HIBCH: variants seen among roughly 807,000 people sequenced by gnomAD.
HIBCH encodes the protein 3-hydroxyisobutyryl-CoA hydrolase.
Under a neutral mutation model 58.2 loss-of-function variants are expected in HIBCH, and 50 were observed. The observed-to-expected ratio is 0.86, with a 90% confidence interval of 0.68 to 1.09. The LOEUF (loss-of-function observed/expected upper bound fraction) is 1.09, where lower values mean the gene tolerates loss of function less well. Ranked by LOEUF, HIBCH falls within the 50% of genes least tolerant of loss-of-function variation. The pLI is 0.00. For synonymous variants in HIBCH, 151 were observed against 146.9 expected (o/e 1.03, Z -0.20); for missense variants, 450 against 449.7 (o/e 1.00, Z -0.01).
intron 6 of HIBCH, among the ~76,000 whole-genome samples, chr2:190,262,717 T>C (rs1214425997): frequency 6.6e-6 from 1 of 152,220 alleles, no homozygotes; most frequent in East Asian, 1.9e-4. Flanking sequence ...TTACTTCACA[T>C]AGAAGCTACA....
At chr2:190,307,863 T>C (rs1217747060) in intron 2 of HIBCH, among the ~76,000 whole-genome samples, 2 of 152,222 alleles carry the variant, frequency 1.3e-5, no homozygotes, top group Non-Finnish European at 2.9e-5. Flanking sequence ...TCCTCCCTTC[T>C]GGGTTCTATT....
chr2:190,319,002 T>C (rs1431837820), intron 1 of HIBCH, among the ~76,000 whole-genome samples: 6 of 152,054 alleles, frequency 3.9e-5, no homozygotes, highest in African/African-American at 9.7e-5. Flanking sequence ...ATCCAGTAAT[T>C]TAAGTCGTCC....
downstream of HIBCH, chr2:190,202,842 A>G (rs1193966456): frequency 6.0e-6 from 1 of 167,096 alleles, no homozygotes; most frequent in East Asian, 1.9e-4. Context: ...ACTTAACCCC[A>G]CAAACATGTT....
rs368814328 is a variant in HIBCH at position 190,315,989 on chromosome 2, T to C, written c.35+3727A>G. Among the ~76,000 whole-genome samples the C allele has an allele frequency of 6.6e-6, 1 of 152,286 alleles. No individual in the cohort carries two copies. The highest frequency in any genetic ancestry group is 1.9e-4 in the East Asian group (1 of 5,178). On this transcript the variant is annotated intron_variant, in intron 1 of 13. Coordinates refer to ENST00000359678, the MANE Select transcript of HIBCH (RefSeq NM_014362.4). The surrounding 1 kb of genome is among the most constrained non-coding windows in gnomAD (Gnocchi z 5.4). The stretch of plus-strand genomic sequence containing the variant: ...GAAAGAAAAGTTAGAACTAAAGGTA[T>C]ATCTTATGCCACATGCATGTACAAT...
intron 1 of HIBCH, among the ~76,000 whole-genome samples, chr2:190,318,510 C>T (rs893092373): frequency 1.3e-5 from 2 of 152,092 alleles, no homozygotes; most frequent in Admixed American, 6.6e-5. Context: ...TAGGATAATA[C>T]CCACTTCAGG....
Position 190,205,021 on chromosome 2 carries a change from T to A in HIBCH, c.*96A>T. The A allele has an allele frequency of 1.4e-6, 1 of 723,054 alleles. No individual in the cohort carries two copies. The highest frequency in any genetic ancestry group is 2.6e-6 in the Non-Finnish European group (1 of 391,946). 44.8% of individuals were successfully genotyped at this position (723,054 alleles called of 1,614,324 possible). On this transcript the variant is annotated 3_prime_UTR_variant, in exon 14 of 14. Coordinates refer to ENST00000359678, the MANE Select transcript of HIBCH (RefSeq NM_014362.4). Reference sequence around the variant, plus strand: ...AAAAATGCGGAAACCATTCTTAGCTTACAGGGTATATAAAAACAGGCAGCA... The same window carrying A: ...AAAAATGCGGAAACCATTCTTAGCTAACAGGGTATATAAAAACAGGCAGCA...
intron 11 of HIBCH, among the ~76,000 whole-genome samples, chr2:190,222,721 CA>C (rs1222031719): frequency 1.3e-5 from 2 of 152,174 alleles, no homozygotes; most frequent in Non-Finnish European, 2.9e-5. Context: ...GGTGATTCTT[CA>C]AGGATCTAGA....
chr2:190,225,567 C>A (rs1685864538), intron 11 of HIBCH, among the ~76,000 whole-genome samples: 1 of 152,024 alleles, frequency 6.6e-6, no homozygotes, highest in African/African-American at 2.4e-5. Context: ...AAGACTAAAC[C>A]AGGAAGAAGT....
Position 190,206,707 on chromosome 2 carries a change from G to C in HIBCH, c.1046-1475C>G, listed in dbSNP as rs1690399441. 6.6e-6 allele frequency among the ~76,000 whole-genome samples: 1 copy of C among 152,152 alleles called. No individual in the cohort carries two copies. Among genetic ancestry groups the C allele is most frequent in the Non-Finnish European group, 1.5e-5 (1 of 68,038 alleles). ...TAAATTTGCTAACTTACTTTAACTT[G>C]CTAATATGTTTTTATTATTAGCAAA... is the stretch of plus-strand genomic sequence containing the variant. On this transcript the variant is annotated intron_variant, in intron 13 of 13. Transcript: ENST00000359678. The surrounding 1 kb of genome is among the most constrained non-coding windows in gnomAD (Gnocchi z 5.1).
chr2:190,303,690 T>C (rs1688328647), intron 2 of HIBCH, among the ~76,000 whole-genome samples: 1 of 152,200 alleles, frequency 6.6e-6, no homozygotes, highest in African/African-American at 2.4e-5. Flanking sequence ...CTTTGTCCCC[T>C]CACCTTTTGA....
rs972984062 is a variant in HIBCH at position 190,208,798 on chromosome 2, A to G, written c.1045+82T>C. ...TTTTGGATTTTAGGATTTGGGATGCATAATCTGTATCTTCTTTAATTAACA... is the reference window on the plus strand; with the variant it reads ...TTTTGGATTTTAGGATTTGGGATGCGTAATCTGTATCTTCTTTAATTAACA... On this transcript the variant is annotated intron_variant, in intron 13 of 13. Coordinates refer to ENST00000359678, the MANE Select transcript of HIBCH (RefSeq NM_014362.4). The G allele has an allele frequency of 9.5e-6, 12 of 1,257,404 alleles. No individual in the cohort carries two copies. The African/African-American group carries it at 1.3e-4, about 14-fold the overall frequency. The allele number at this position is 1,257,404 out of a possible 1,614,324, so 77.9% of individuals were successfully genotyped here. A position where few individuals can be genotyped will look rare whatever the true frequency, so the allele number is the denominator to read the frequency against.
rs1690398331 is a variant in HIBCH at position 190,206,646 on chromosome 2, T to A, written c.1046-1414A>T. 6.6e-6 allele frequency among the ~76,000 whole-genome samples: 1 copy of A among 152,204 alleles called. No homozygotes were observed. The highest frequency in any genetic ancestry group is 1.5e-5 in the Non-Finnish European group (1 of 68,042). ...TCTATAACCACAAAGTAGTAATTTG[T>A]TCTAGATGTTAACAGTAAGAATTTT... On this transcript the variant is annotated intron_variant, in intron 13 of 13. Coordinates refer to ENST00000359678, the MANE Select transcript of HIBCH (RefSeq NM_014362.4). This position sits in a 1 kb window ranked among gnomAD's most constrained non-coding sequence, Gnocchi z 5.1.
chr2:190,252,040 T>A (rs1458321145), intron 8 of HIBCH, 122 bp downstream of exon 8: 1 of 882,882 alleles, frequency 1.1e-6, no homozygotes, highest in East Asian at 2.5e-5. Context: ...AACTAATAGG[T>A]CCAGGATTCA....
At chr2:190,274,097 C>T (rs1245691645) in intron 6 of HIBCH, among the ~76,000 whole-genome samples, 1 of 152,124 alleles carries the variant, frequency 6.6e-6, no homozygotes, top group Non-Finnish European at 1.5e-5. Flanking sequence ...CCACTGCGCC[C>T]GGCCTCTCAG....
intron 10 of HIBCH, 90 bp from the exon 11 acceptor site, chr2:190,245,058 C>T: frequency 1.2e-6 from 1 of 844,752 alleles, no homozygotes; most frequent in Non-Finnish European, 2.0e-6. Flanking sequence ...TTTCCCCCAC[C>T]TCTGTTTCAA....
chr2:190,294,309 A>G (rs764627929), intron 4 of HIBCH, among the ~76,000 whole-genome samples: 13 of 151,954 alleles, frequency 8.6e-5, no homozygotes, highest in Non-Finnish European at 1.5e-4. Context: ...GAGACAACAT[A>G]TTTAAATTTC....
intron 3 of HIBCH, 32 bp downstream of exon 3, chr2:190,296,781 A>C (rs1259804030): frequency 1.3e-6 from 2 of 1,571,696 alleles, no homozygotes; most frequent in Non-Finnish European, 1.8e-6. Flanking sequence ...TTTGAAAAGA[A>C]TCCATATAAT....
At chr2:190,274,803 T>G (rs925911036) in intron 6 of HIBCH, among the ~76,000 whole-genome samples, 1 of 152,184 alleles carries the variant, frequency 6.6e-6, no homozygotes, top group Admixed American at 6.5e-5. Flanking sequence ...AGAGAAACGA[T>G]TGTTTTGCAG....
At chr2:190,299,327 A>C (rs1688195865) in intron 2 of HIBCH, among the ~76,000 whole-genome samples, 3 of 152,202 alleles carry the variant, frequency 2.0e-5, no homozygotes, top group Admixed American at 1.3e-4. Context: ...TATCAGATAA[A>C]AATAGAAATA....
Sources: allele counts gnomAD v4.1 joint callset (sites outside exome capture counted in the v4.1 genomes callset), GRCh38; gene constraint gnomAD v4.1.1; non-coding constraint Gnocchi (gnomAD v3.1); transcripts MANE v1.5; gene names NCBI Gene and HGNC (gene_info 2026-07-23, HGNC 2026-07-21).